Variants in RBBP7 observed in about 807,000 individuals in gnomAD.
The protein encoded by RBBP7 is histone-binding protein RBBP7.
A neutral mutation model predicts 35.2 loss-of-function variants in RBBP7; 5 were observed. That is an observed-to-expected ratio of 0.14 (90% CI 0.07 to 0.30). The LOEUF is 0.30. Ranked by LOEUF, RBBP7 falls within the 10% of genes least tolerant of loss-of-function variation. The pLI is 1.00. For missense variants in RBBP7, 155 were observed against 327.5 expected (o/e 0.47, Z 4.07); for synonymous variants, 140 against 118.7 (o/e 1.18, Z -1.17).
At position 16,870,285 on chromosome X, in the gene RBBP7, T is replaced by A; in HGVS notation, c.-232A>T. The A allele has an allele frequency of 3.1e-6, 1 of 325,597 alleles. No homozygotes were observed. Among genetic ancestry groups the A allele is most frequent in the Non-Finnish European group, 4.3e-6 (1 of 231,012 alleles). 26.8% of individuals were successfully genotyped at this position (325,597 alleles called of 1,213,427 possible). On this transcript the variant is annotated 5_prime_UTR_variant, in exon 1 of 12. The change creates a new upstream start codon in the 5' untranslated region. Transcript: ENST00000380087. ...GGCGCTCTTCTCTCTCTCTCCAAAC[T>A]TGGAACGAGACTTTTCAACCCGCGC...
At chrX:16,869,420 C>G in intron 1 of RBBP7, 200 bp from the exon 2 acceptor site, 1 of 1,113,847 alleles carries the variant, frequency 9.0e-7, no homozygotes, top group African/African-American at 1.8e-5. Flanking sequence ...AGATCAATAC[C>G]CCCTGCGTAC....
At chrX:16,859,803 G>A (rs942946221) in intron 3 of RBBP7, among the ~76,000 whole-genome samples, 3 of 111,041 alleles carry the variant, frequency 2.7e-5, no homozygotes, top group Non-Finnish European at 5.7e-5. Context: ...AAAATAGACC[G>A]GGGCCTGGAG....
chrX:16,869,817 G>A, intron 1 of RBBP7: 2 of 908,980 alleles, frequency 2.2e-6, no homozygotes, highest in South Asian at 6.0e-5. Context: ...GGAAGAGGGG[G>A]GCCCAGCCCT....
At position 16,869,136 on chromosome X, in the gene RBBP7, A is replaced by G; in HGVS notation, c.101T>C (p.Val34Ala). 8.3e-7 allele frequency: 1 copy of G among 1,210,756 alleles called. No individual in the cohort carries two copies. The highest frequency in any genetic ancestry group is 1.1e-6 in the Non-Finnish European group (1 of 894,402). ...KKNTPFLYDL[V>A]MTHALQWPSL... Reference sequence around the variant, plus strand: ...GGGCCACTGAAGAGCATGGGTCATAACCAGGTCATATAGAAACGGTGTATT... The same window carrying G: ...GGGCCACTGAAGAGCATGGGTCATAGCCAGGTCATATAGAAACGGTGTATT... The change falls in exon 2 of 12, where the codon GTT becomes GCT. Residue 34 changes from valine (V) to alanine (A), a missense_variant. By Grantham distance (64) the Val-to-Ala change is moderately conservative (BLOSUM62 0). Around this residue, in one of 3 missense-constraint regions of RBBP7, gnomAD observed 59 missense variants for 90.4 expected, o/e 0.65. Coordinates refer to ENST00000380087, the MANE Select transcript of RBBP7 (RefSeq NM_002893.4).
intron 4 of RBBP7, 26 bp downstream of exon 4, chrX:16,858,650 A>G (rs929202686): frequency 4.2e-6 from 5 of 1,197,244 alleles, no homozygotes; most frequent in Non-Finnish European, 5.6e-6. Context: ...CTGCTCAAGT[A>G]ATGACCTAAC....
At chrX:16,868,522 G>A (rs1232148414) in intron 2 of RBBP7, among the ~76,000 whole-genome samples, 1 of 112,706 alleles carries the variant, frequency 8.9e-6, no homozygotes, top group African/African-American at 3.2e-5. Context: ...ATTATTACCA[G>A]AGAAACTGCA....
intron 2 of RBBP7, among the ~76,000 whole-genome samples, chrX:16,864,698 C>T (rs903769911): frequency 1.8e-5 from 2 of 109,274 alleles, no homozygotes; most frequent in African/African-American, 3.3e-5. Flanking sequence ...CCCCCACCCC[C>T]GACCTTTTCT....
intron 6 of RBBP7, 41 bp downstream of exon 6, chrX:16,853,641 G>A: frequency 9.4e-7 from 1 of 1,059,118 alleles, no homozygotes. Flanking sequence ...GGTCATTCAG[G>A]TCACCCATTT....
At chrX:16,856,814 T>C (rs1357152281) in intron 5 of RBBP7, among the ~76,000 whole-genome samples, 1 of 111,411 alleles carries the variant, frequency 9.0e-6, no homozygotes, top group Non-Finnish European at 1.9e-5. Flanking sequence ...TAGGTATATA[T>C]CCAAGAGAAA....
chrX:16,856,532 AAAAC>A (rs928353054), intron 5 of RBBP7, among the ~76,000 whole-genome samples: 5 of 98,838 alleles, frequency 5.1e-5, no homozygotes, highest in African/African-American at 1.4e-4. Context: ...TCCGTCTCAA[AAAAC>A]AAACAAAACA....
At chrX:16,864,161 C>T (rs1247485590) in intron 2 of RBBP7, among the ~76,000 whole-genome samples, 2 of 110,315 alleles carry the variant, frequency 1.8e-5, no homozygotes, top group Non-Finnish European at 3.8e-5. Flanking sequence ...GAGACACACA[C>T]ACACACAGAC....
rs775561961 is a variant in RBBP7, at chrX:16,845,945, C to G, written c.1099-7G>C. ...TGTGTCCTCCATGAATAAACTGTTA[C>G]AAGAACAAAAAAAGCTTTGATTTCA... On this transcript the variant is annotated splice_region_variant and splice_polypyrimidine_tract_variant and intron_variant, in intron 10 of 11. Transcript: ENST00000380087. The G allele has an allele frequency of 3.3e-6, 4 of 1,199,629 alleles. No individual in the cohort carries two copies. The highest frequency in any genetic ancestry group is 4.5e-6 in the Non-Finnish European group (4 of 891,979).
Position 16,845,071 on chromosome X carries a change from A to G in RBBP7, c.1242T>C (p.Asp414=). 2 of 1,210,226 alleles carry G rather than the reference A, an allele frequency of 1.7e-6. No individual in the cohort carries two copies. Among genetic ancestry groups the G allele is most frequent in the Non-Finnish European group, 1.1e-6 (1 of 893,972 alleles). The part of the protein sequence containing the change: ...AENIYNDEES[D]VTTSELEGQG... Reference sequence around the variant, plus strand: ...GTCCCTCCAGTTCGGATGTCGTGACATCTGACTCTTCATCATTGTAAATAT... The same window carrying G: ...GTCCCTCCAGTTCGGATGTCGTGACGTCTGACTCTTCATCATTGTAAATAT... Residue 414 remains aspartate, a synonymous_variant, in exon 12 of 12, where the codon GAT becomes GAC. Coordinates refer to ENST00000380087, the MANE Select transcript of RBBP7 (RefSeq NM_002893.4).
chrX:16,850,296 C>G (rs1025805621), intron 9 of RBBP7, among the ~76,000 whole-genome samples: 2 of 112,933 alleles, frequency 1.8e-5, no homozygotes, highest in Non-Finnish European at 3.7e-5. Context: ...TTCAGCCTCA[C>G]AAAGTACTGG....
At chrX:16,846,053 G>A (rs1930069441) in intron 10 of RBBP7, 115 bp from the exon 11 acceptor site, 1 of 1,071,181 alleles carries the variant, frequency 9.3e-7, no homozygotes. Context: ...GTGCTGTCTG[G>A]TTTTAGAAGG....
intron 9 of RBBP7, among the ~76,000 whole-genome samples, chrX:16,851,124 C>CA (rs139028984): frequency 7.1e-4 from 57 of 79,906 alleles, no homozygotes; most frequent in South Asian, 5.0e-3. Context: ...ATTCAGTCTC[C>CA]AAAAAAAAAA....
intron 3 of RBBP7, among the ~76,000 whole-genome samples, chrX:16,862,111 G>C (rs1275610295): frequency 9.0e-6 from 1 of 111,230 alleles, no homozygotes; most frequent in East Asian, 2.8e-4. Context: ...TTTCACACAT[G>C]TCCCTGCAGT....
At chrX:16,853,519 T>C (rs1930263777) in intron 6 of RBBP7, 163 bp downstream of exon 6, 4 of 412,170 alleles carry the variant, frequency 9.7e-6, no homozygotes, top group Non-Finnish European at 1.1e-5. Context: ...GCAATCCTCC[T>C]GCCTCAGCTT....
chrX:16,858,824 T>C lies in RBBP7; in HGVS notation c.333A>G (p.Thr111=). The change falls in exon 4 of 12, where the codon ACA becomes ACG. Residue 111 remains threonine (T), a synonymous_variant. Coordinates refer to ENST00000380087, the MANE Select transcript of RBBP7 (RefSeq NM_002893.4). ...TTTTAATTTCACATTCAATTTTTCC[T>C]GTTACAGAACCAAAGCCACCAAATT... ...KGEFGGFGSV[T]GKIECEIKIN... 1 of 1,211,547 alleles carries C rather than the reference T, an allele frequency of 8.3e-7. No homozygotes were observed. The highest frequency in any genetic ancestry group is 1.1e-6 in the Non-Finnish European group (1 of 895,486).
Sources: allele counts gnomAD v4.1 joint callset (sites outside exome capture counted in the v4.1 genomes callset), GRCh38; gene constraint gnomAD v4.1.1; regional missense constraint gnomAD v4.1.1; transcripts MANE v1.5; gene names NCBI Gene and HGNC (gene_info 2026-07-23, HGNC 2026-07-21).